ZFHX3: variants seen among roughly 807,000 people sequenced by gnomAD.
The protein encoded by ZFHX3 is zinc finger homeobox protein 3.
Under a neutral mutation model 279.1 loss-of-function variants are expected in ZFHX3, and 42 were observed. That is an observed-to-expected ratio of 0.15 (90% CI 0.12 to 0.19). The LOEUF is 0.19. Among genes scored for constraint, ZFHX3 ranks in the 10% least tolerant of loss-of-function variants. The pLI, the probability that ZFHX3 is intolerant of heterozygous loss-of-function variation, is 1.00. For synonymous variants in ZFHX3, 2,293 were observed against 1,957.8 expected (o/e 1.17, Z -4.52); for missense variants, 4,981 against 4,754.0 (o/e 1.05, Z -1.40).
chr16:73,214,385 T>A (rs950300008), intron 5 of ZFHX3, among the ~76,000 whole-genome samples: 4 of 152,198 alleles, frequency 2.6e-5, no homozygotes, highest in Non-Finnish European at 5.9e-5. Flanking sequence ...ACTGTGAATT[T>A]TTTTTTTCGG....
intron 4 of ZFHX3, among the ~76,000 whole-genome samples, chr16:73,275,407 G>T (rs2014267547): frequency 6.8e-6 from 1 of 146,138 alleles, no homozygotes; most frequent in East Asian, 2.0e-4. Flanking sequence ...AGCTTCGGGT[G>T]GTCATGACTG....
chr16:73,306,578 C>G (rs180899962), intron 4 of ZFHX3, among the ~76,000 whole-genome samples: 1 of 152,318 alleles, frequency 6.6e-6, no homozygotes, highest in East Asian at 1.9e-4. Flanking sequence ...CTGCCTTGGC[C>G]TCCGAAAGTG....
intron 2 of ZFHX3, among the ~76,000 whole-genome samples, chr16:73,599,414 G>C (rs1356379475): frequency 1.3e-5 from 2 of 152,192 alleles, no homozygotes; most frequent in Non-Finnish European, 2.9e-5. Context: ...TGAAAACGTG[G>C]AGCCCCTTGT....
At chr16:73,752,348 T>C (rs1054031837) in intron 1 of ZFHX3, among the ~76,000 whole-genome samples, 4 of 152,150 alleles carry the variant, frequency 2.6e-5, no homozygotes, top group African/African-American at 4.8e-5. Flanking sequence ...GAAACCCAAC[T>C]AGGATTATCT....
chr16:73,604,833 G>A (rs1321017516), intron 2 of ZFHX3, among the ~76,000 whole-genome samples: 1 of 151,970 alleles, frequency 6.6e-6, no homozygotes, highest in Non-Finnish European at 1.5e-5. Context: ...TTGGCTCCAG[G>A]CTTCCTATAA....
intron 7 of ZFHX3, among the ~76,000 whole-genome samples, chr16:73,108,061 C>T (rs909619038): frequency 2.0e-5 from 3 of 151,924 alleles, no homozygotes; most frequent in African/African-American, 7.3e-5. Flanking sequence ...CTCGGGAGGC[C>T]GAGGCAGGAG....
intron 7 of ZFHX3, among the ~76,000 whole-genome samples, chr16:72,805,257 C>CAT (rs1555519145): frequency 6.6e-6 from 1 of 152,080 alleles, no homozygotes; most frequent in Non-Finnish European, 1.5e-5. Flanking sequence ...GCTGGGATTA[C>CAT]AGGTGTGAGC....
chr16:73,699,446 A>G (rs28533717), intron 1 of ZFHX3, among the ~76,000 whole-genome samples: 17,590 of 152,138 alleles, frequency 0.12, 1,062 homozygotes, highest in Middle Eastern at 0.13. Flanking sequence ...GTGTTTCTCT[A>G]TTGTTTTTAC....
chr16:73,300,492 C>T (rs1490478887), intron 4 of ZFHX3, among the ~76,000 whole-genome samples: 1 of 151,930 alleles, frequency 6.6e-6, no homozygotes, highest in Non-Finnish European at 1.5e-5. Flanking sequence ...AGTCTAACAG[C>T]CAAGAGTGCT....
At chr16:73,166,658 G>A (rs748285794) in intron 5 of ZFHX3, among the ~76,000 whole-genome samples, 3 of 152,156 alleles carry the variant, frequency 2.0e-5, no homozygotes, top group Non-Finnish European at 2.9e-5. Flanking sequence ...CTGATTTGGG[G>A]GAAACTCAAG....
At chr16:73,091,519 AGG>A (rs1218834787) in intron 8 of ZFHX3, among the ~76,000 whole-genome samples, 109 of 152,290 alleles carry the variant, frequency 7.2e-4, no homozygotes, top group Non-Finnish European at 1.4e-3. Context: ...CAGTAGCCTG[AGG>A]TTGGCTATGT....
chr16:72,921,975 C>G lies in ZFHX3; in HGVS notation c.3216+28494G>C, dbSNP rs989972376. 3.3e-5 allele frequency among the ~76,000 whole-genome samples: 5 copies of G among 152,350 alleles called. No homozygotes were observed. The South Asian group carries it at 1.0e-3, about 32-fold the overall frequency. On this transcript the variant is annotated intron_variant, in intron 3 of 9. Coordinates refer to ENST00000268489, the MANE Select transcript of ZFHX3 (RefSeq NM_006885.4). Reference sequence around the variant, plus strand: ...GGCACCAGGGGCCCCTGCCAGACAGCTCCCACACCAAACTCCTTGGAGAAA... The same window carrying G: ...GGCACCAGGGGCCCCTGCCAGACAGGTCCCACACCAAACTCCTTGGAGAAA...
chr16:73,619,357 G>A (rs1326191825), intron 2 of ZFHX3, among the ~76,000 whole-genome samples: 1 of 151,434 alleles, frequency 6.6e-6, no homozygotes, highest in Non-Finnish European at 1.5e-5. Flanking sequence ...GCATGGTGGC[G>A]GGCACCTATA....
chr16:73,110,160 C>T (rs567827525), intron 7 of ZFHX3, among the ~76,000 whole-genome samples: 2 of 150,400 alleles, frequency 1.3e-5, no homozygotes, highest in African/African-American at 2.4e-5. Flanking sequence ...GCTGAGATTG[C>T]GCCACTGCAC....
intron 4 of ZFHX3, among the ~76,000 whole-genome samples, chr16:72,852,754 T>A (rs2037650407): frequency 6.6e-6 from 1 of 152,060 alleles, no homozygotes; most frequent in Admixed American, 6.6e-5. Flanking sequence ...TGCTCAAGAG[T>A]GGCAGTTGAT....
rs2014883313 is a variant in ZFHX3 at position 73,295,332 on chromosome 16, A to T, written c.-1194+22908T>A. Among the ~76,000 whole-genome samples the T allele has an allele frequency of 5.9e-5, 9 of 152,214 alleles. No homozygotes were observed. The South Asian group carries it at 1.9e-3, about 32-fold the overall frequency. Reference sequence around the variant, plus strand: ...TTGAATCTCTGCTTCTCCCTCTTCCAATGTCCTGTTTCCTCACTGTTTAGT... The same window carrying T: ...TTGAATCTCTGCTTCTCCCTCTTCCTATGTCCTGTTTCCTCACTGTTTAGT... On this transcript the variant is annotated intron_variant, in intron 4 of 17. Transcript: ENST00000641206.
intron 1 of ZFHX3, among the ~76,000 whole-genome samples, chr16:73,685,386 T>C (rs930728055): frequency 1.3e-5 from 2 of 152,148 alleles, no homozygotes; most frequent in African/African-American, 4.8e-5. Flanking sequence ...ATGATGAAGA[T>C]AGACAGGTTA....
In ZFHX3 at chr16:73,585,183, C is replaced by T. The variant is rs149641700; in HGVS notation, c.-1547+94997G>A. Among the ~76,000 whole-genome samples, 396 of 152,184 alleles carry T rather than the reference C, an allele frequency of 2.6e-3. 7 individuals carry two copies. The East Asian group carries it at 0.058, about 22-fold the overall frequency. On this transcript the variant is annotated intron_variant, in intron 2 of 17. Transcript: ENST00000641206. ...TTGTAATCACAGCACTTTGGGAGGC[C>T]GAGGTGGGCGGATCACGAGGTCAAG...
At chr16:73,548,675 A>C (rs1025945347) in intron 2 of ZFHX3, among the ~76,000 whole-genome samples, 19 of 152,296 alleles carry the variant, frequency 1.2e-4, no homozygotes, top group African/African-American at 3.4e-4. Flanking sequence ...ACACAGAAAC[A>C]TGGTATATAC....
Sources: gnomAD v4.1 joint callset for allele counts (sites outside exome capture counted in the v4.1 genomes callset) on GRCh38, gnomAD v4.1.1 for gene constraint, MANE v1.5 for transcripts, NCBI Gene and HGNC (gene_info 2026-07-23, HGNC 2026-07-21) for gene names.